The following PAH variants were observed in gnomAD, a reference collection of about 807,000 sequenced individuals.
The protein encoded by PAH is phenylalanine-4-hydroxylase.
A neutral mutation model predicts 62.0 loss-of-function variants in PAH; 64 were observed. That is an observed-to-expected ratio of 1.03 (90% CI 0.84 to 1.27). The LOEUF (loss-of-function observed/expected upper bound fraction) is 1.27, where lower values mean the gene tolerates loss of function less well. Among genes scored for constraint, PAH ranks in the 50% most tolerant of loss-of-function variants. PAH has a pLI of 0.00. For missense variants in PAH, 579 were observed against 542.8 expected (o/e 1.07, Z -0.66); for synonymous variants, 195 against 196.2 (o/e 0.99, Z 0.05).
In PAH at chr12:102,908,041, T is replaced by C. The variant is rs564105263; in HGVS notation, c.168+4750A>G. The stretch of plus-strand genomic sequence containing the variant: ...TGTTTGGAAAAAAAAAAATCAATAC[T>C]CACTAACAACCCTTCTTCAATCACC... On this transcript the variant is annotated intron_variant, in intron 2 of 12. Transcript: ENST00000553106. Among the ~76,000 whole-genome samples, 241 of 152,174 alleles carry C rather than the reference T, an allele frequency of 1.6e-3. 1 individual carries two copies. Among genetic ancestry groups the C allele is most frequent in the African/African-American group, 5.4e-3 (225 of 41,498 alleles).
intron 2 of PAH, among the ~76,000 whole-genome samples, chr12:102,900,237 G>C (rs1192077458): frequency 3.3e-5 from 5 of 151,934 alleles, no homozygotes; most frequent in Admixed American, 1.3e-4. Context: ...TTTTAGTAGA[G>C]ATGAGGTTTC....
chr12:102,943,519 C>G (rs1381880284), intron 1 of PAH, among the ~76,000 whole-genome samples: 4 of 152,036 alleles, frequency 2.6e-5, no homozygotes, highest in Non-Finnish European at 5.9e-5. Flanking sequence ...GGAGATCTCT[C>G]AAAGGACTTA....
intron 5 of PAH, among the ~76,000 whole-genome samples, chr12:102,855,763 G>A (rs1040193191): frequency 1.3e-5 from 2 of 152,120 alleles, no homozygotes; most frequent in African/African-American, 4.8e-5. Flanking sequence ...GGGCATCTAA[G>A]TTAAAGCAAC....
At chr12:102,862,849 C>T (rs12099657) in intron 5 of PAH, among the ~76,000 whole-genome samples, 50 of 151,840 alleles carry the variant, frequency 3.3e-4, no homozygotes, top group African/African-American at 1.1e-3. Flanking sequence ...TGTCTACAGA[C>T]GAGTGACAGG....
intron 1 of PAH, chr12:102,950,421 C>T (rs1329877327): frequency 1.3e-5 from 2 of 152,300 alleles, no homozygotes; most frequent in Admixed American, 1.3e-4. Flanking sequence ...GCCCTCGGGG[C>T]CAGCGTCCAG....
At chr12:102,844,575 T>C (rs1188465787) in intron 9 of PAH, 144 bp from the exon 10 acceptor site, 6 of 702,794 alleles carry the variant, frequency 8.5e-6, no homozygotes, top group African/African-American at 1.8e-5. Flanking sequence ...CTGGAGGGGA[T>C]TGGCATGTGA....
intron 2 of PAH, among the ~76,000 whole-genome samples, chr12:102,907,465 T>C (rs1403705522): frequency 6.6e-6 from 1 of 152,202 alleles, no homozygotes; most frequent in African/African-American, 2.4e-5. Context: ...CCCTCATCCA[T>C]AAAGTGAGAG....
intron 3 of PAH, among the ~76,000 whole-genome samples, chr12:102,893,489 A>G (rs565752594): frequency 6.6e-6 from 1 of 152,374 alleles, no homozygotes; most frequent in African/African-American, 2.4e-5. Flanking sequence ...AAAAGCAGTC[A>G]CCTTCTTCCT....
chr12:102,855,585 C>T (rs148892145), intron 5 of PAH, among the ~76,000 whole-genome samples: 1 of 152,224 alleles, frequency 6.6e-6, no homozygotes, highest in East Asian at 1.9e-4. Context: ...CTCTCACTTT[C>T]GGGAAATCAC....
intron 3 of PAH, among the ~76,000 whole-genome samples, chr12:102,885,179 C>A (rs1046550060): frequency 1.3e-5 from 2 of 152,168 alleles, no homozygotes; most frequent in African/African-American, 2.4e-5. Context: ...AGCCTTGAGT[C>A]TGCCCCATCC....
intron 8 of PAH, among the ~76,000 whole-genome samples, chr12:102,849,718 C>T (rs1279032900): frequency 6.6e-6 from 1 of 152,164 alleles, no homozygotes; most frequent in Non-Finnish European, 1.5e-5. Flanking sequence ...AAATCCAAGA[C>T]CAAAATGGCG....
At chr12:102,924,479 A>T (rs1461487146) in intron 1 of PAH, among the ~76,000 whole-genome samples, 2 of 152,150 alleles carry the variant, frequency 1.3e-5, no homozygotes, top group Non-Finnish European at 2.9e-5. Flanking sequence ...ATCTTGGACT[A>T]CCTTTTCAAG....
intron 2 of PAH, among the ~76,000 whole-genome samples, chr12:102,910,469 C>A (rs1254062743): frequency 1.3e-5 from 2 of 151,178 alleles, no homozygotes; most frequent in Non-Finnish European, 2.9e-5. Context: ...CTCCAGGGTT[C>A]ACGCCATTCT....
intron 1 of PAH, among the ~76,000 whole-genome samples, chr12:102,945,486 GTGGCTGAGC>G (rs998786780): frequency 3.3e-5 from 5 of 152,156 alleles, no homozygotes; most frequent in Non-Finnish European, 7.4e-5. Context: ...CTCTTTTACT[GTGGCTGAGC>G]TGGCACCCAA....
intron 2 of PAH, among the ~76,000 whole-genome samples, chr12:102,911,255 G>A (rs901933146): frequency 1.7e-4 from 26 of 152,104 alleles, no homozygotes; most frequent in African/African-American, 5.6e-4. Flanking sequence ...CAGAAGAAAG[G>A]ATAAAGTTAT....
chr12:102,907,747 T>C (rs1332100982), intron 2 of PAH, among the ~76,000 whole-genome samples: 1 of 152,068 alleles, frequency 6.6e-6, no homozygotes. Context: ...GCCACCTTAG[T>C]AGCTGGGATT....
intron 1 of PAH, among the ~76,000 whole-genome samples, chr12:102,944,485 C>G (rs192175118): frequency 6.6e-6 from 1 of 152,140 alleles, no homozygotes; most frequent in African/African-American, 2.4e-5. Flanking sequence ...TTTCAAATAG[C>G]CTGTCTTCAA....
chr12:102,918,799 C>A (rs1878483153), upstream of PAH, among the ~76,000 whole-genome samples: 2 of 152,122 alleles, frequency 1.3e-5, no homozygotes, highest in African/African-American at 2.4e-5. Context: ...TGATTTCCAT[C>A]CTCAGGAGAA....
At position 102,837,605 on chromosome 12, in the gene PAH, TA is replaced by T. The variant is rs2136629299; in HGVS notation, c.*1569del. The T allele has an allele frequency of 1.3e-5, 2 of 152,332 alleles. No individual in the cohort carries two copies. Among genetic ancestry groups the T allele is most frequent in the East Asian group, 3.9e-4 (2 of 5,190 alleles). The allele number at this position is 152,332 out of a possible 1,614,324, so 9.4% of individuals were successfully genotyped here. A position where few individuals can be genotyped will look rare whatever the true frequency, so the allele number is the denominator to read the frequency against. ...CCTCTTTCCTCCCAGCTGGCATATA[TA>T]AGCAGGTATTGTAACACCCCATCAG... On this transcript the variant is annotated 3_prime_UTR_variant, in exon 13 of 13. Coordinates refer to ENST00000553106, the MANE Select transcript of PAH (RefSeq NM_000277.3).
Sources: gnomAD v4.1 joint callset for allele counts (sites outside exome capture counted in the v4.1 genomes callset) on GRCh38, gnomAD v4.1.1 for gene constraint, MANE v1.5 for transcripts, NCBI Gene and HGNC (gene_info 2026-07-23, HGNC 2026-07-21) for gene names.